Variants in ATG7 observed in about 807,000 individuals in gnomAD.
The protein encoded by ATG7 is autophagy related 7.
A neutral mutation model predicts 82.4 loss-of-function variants in ATG7; 70 were observed. The ratio of observed to expected loss-of-function variants is 0.85; its 90% CI spans 0.70 to 1.04. The LOEUF (loss-of-function observed/expected upper bound fraction) is 1.04. Among genes scored for constraint, ATG7 ranks in the 50% least tolerant of loss-of-function variants. The pLI, the probability that ATG7 is intolerant of heterozygous loss-of-function variation, is 0.00. For synonymous variants in ATG7, 287 were observed against 313.0 expected (o/e 0.92, Z 0.88); for missense variants, 792 against 864.3 (o/e 0.92, Z 1.05).
the ATG7 span, among the ~76,000 whole-genome samples, chr3:11,573,275 GAAA>G: frequency 4.3e-4 from 7 of 16,400 alleles, no homozygotes; most frequent in African/African-American, 1.1e-3. Flanking sequence ...AAGAAAGAAA[GAAA>G]GAAAGAAAGA....
intron 14 of ATG7, among the ~76,000 whole-genome samples, chr3:11,352,532 A>G (rs1259930550): frequency 6.6e-6 from 1 of 152,156 alleles, no homozygotes; most frequent in Non-Finnish European, 1.5e-5. Context: ...TGACTTTTTA[A>G]TGATCACCAT....
rs138448027 is a variant in ATG7 at position 11,347,974 on chromosome 3, G to T, written c.1223G>T (p.Gly408Val). 2.3e-5 allele frequency: 37 copies of T among 1,614,148 alleles called. No individual in the cohort carries two copies. The highest frequency in any genetic ancestry group is 4.5e-5 in the East Asian group (2 of 44,882). The part of the protein sequence containing the change: ...QPLYEFEDCL[G>V]GGKPKALAAA... Reference sequence around the variant, plus strand: ...CTCTATGAGTTTGAAGATTGCCTAGGGGGTGGTAAGCCCAAGGCTCTGGCA... The same window carrying T: ...CTCTATGAGTTTGAAGATTGCCTAGTGGGTGGTAAGCCCAAGGCTCTGGCA... Residue 408 changes from glycine to valine, a missense_variant, in exon 14 of 21, where the codon GGG (glycine) becomes GTG (valine). Physicochemically the swap from Gly to Val is moderately radical, Grantham distance 109. Transcript: ENST00000693202.
At chr3:11,326,294 TTTG>T (rs138143676) in intron 9 of ATG7, among the ~76,000 whole-genome samples, 87 of 151,536 alleles carry the variant, frequency 5.7e-4, no homozygotes, top group Admixed American at 5.4e-3. Context: ...CTGTTTTTTT[TTTG>T]TTGTTGTTGT....
At chr3:11,559,047 G>C (rs1387813726), downstream of ATG7, among the ~76,000 whole-genome samples, 1 of 152,218 alleles carries the variant, frequency 6.6e-6, no homozygotes, top group African/African-American at 2.4e-5. Context: ...CAGAGTCCGA[G>C]TTCAGAAAGA....
chr3:11,317,465 G>A (rs1038837395), intron 9 of ATG7, among the ~76,000 whole-genome samples: 4 of 151,934 alleles, frequency 2.6e-5, no homozygotes, highest in Admixed American at 6.6e-5. Flanking sequence ...TGATAAGTCT[G>A]TGAAACAAGC....
At chr3:11,307,782 C>A (rs1422545463) in intron 6 of ATG7, among the ~76,000 whole-genome samples, 3 of 152,160 alleles carry the variant, frequency 2.0e-5, no homozygotes, top group Non-Finnish European at 4.4e-5. Flanking sequence ...ATCAAGGAGT[C>A]TTTATACCAG....
chr3:11,334,912 C>T (rs1159427413), intron 11 of ATG7, among the ~76,000 whole-genome samples: 4 of 143,926 alleles, frequency 2.8e-5, no homozygotes, highest in Non-Finnish European at 5.9e-5. Context: ...GCCGACTGCA[C>T]TGCTGCACTC....
chr3:11,326,662 A>G (rs34354395), intron 9 of ATG7, among the ~76,000 whole-genome samples: 1,643 of 152,362 alleles, frequency 0.011, 12 homozygotes, highest in Non-Finnish European at 0.017. Flanking sequence ...TGCTAAATAA[A>G]TGTAGTTGTG....
chr3:11,377,407 C>T (rs756594861), intron 18 of ATG7, among the ~76,000 whole-genome samples: 6 of 152,114 alleles, frequency 3.9e-5, no homozygotes, highest in Admixed American at 6.6e-5. Context: ...ATACCGTGCA[C>T]GGCATCTTCT....
At chr3:11,418,191 A>G (rs1174985855) in intron 19 of ATG7, among the ~76,000 whole-genome samples, 1 of 147,200 alleles carries the variant, frequency 6.8e-6, no homozygotes, top group Non-Finnish European at 1.5e-5. Context: ...TGCAGCCTCA[A>G]CCTCCCGGGT....
intron 17 of ATG7, among the ~76,000 whole-genome samples, chr3:11,363,955 C>T (rs2076437460): frequency 6.6e-6 from 1 of 152,144 alleles, no homozygotes; most frequent in African/African-American, 2.4e-5. Context: ...CCTTAGCTAT[C>T]TGTCATTTAA....
chr3:11,556,655 A>T lies in ATG7; in HGVS notation c.*1812A>T, dbSNP rs1179860458. The T allele has an allele frequency of 6.5e-6, 1 of 152,744 alleles. No homozygotes were observed. Among genetic ancestry groups the T allele is most frequent in the Non-Finnish European group, 1.5e-5 (1 of 68,044 alleles). The allele number at this position is 152,744 out of a possible 1,614,324, so 9.5% of individuals were successfully genotyped here. On this transcript the variant is annotated 3_prime_UTR_variant, in exon 21 of 21. Transcript: ENST00000693202. The stretch of plus-strand genomic sequence containing the variant: ...AACAAAAAAAATGAATGATTACAAT[A>T]GGAAAGGGAAAAATTAAATAGCTAC...
At chr3:11,279,826 CCAGGCTATACTGTATTTGT>C (rs569251805) in intron 1 of ATG7, among the ~76,000 whole-genome samples, 1 of 152,278 alleles carries the variant, frequency 6.6e-6, no homozygotes, top group African/African-American at 2.4e-5. Flanking sequence ...TGTACAAACG[CCAGGCTATACTGTATTTGT>C]TTTACCTCCA....
intron 3 of ATG7, among the ~76,000 whole-genome samples, chr3:11,294,427 T>C (rs1945516459): frequency 6.6e-6 from 1 of 151,938 alleles, no homozygotes; most frequent in Admixed American, 6.6e-5. Context: ...TTTCACCATA[T>C]TGGCTAGGCT....
chr3:11,283,244 A>T (rs965336788), intron 3 of ATG7, among the ~76,000 whole-genome samples: 13 of 152,142 alleles, frequency 8.5e-5, no homozygotes, highest in African/African-American at 2.9e-4. Context: ...GTAGGCTTTA[A>T]ATGAGGCATG....
chr3:11,434,166 C>G (rs1423094949), intron 20 of ATG7, among the ~76,000 whole-genome samples: 2 of 152,302 alleles, frequency 1.3e-5, no homozygotes, highest in East Asian at 1.9e-4. Context: ...CCCCACACAG[C>G]TGGTTTTGAT....
chr3:11,561,868 C>A (rs904653961), downstream of ATG7, among the ~76,000 whole-genome samples: 1 of 151,672 alleles, frequency 6.6e-6, no homozygotes, highest in Non-Finnish European at 1.5e-5. Context: ...CTGAAAGCAA[C>A]CCCCAAGGCT....
chr3:11,364,861 A>G (rs777907879), intron 18 of ATG7, 127 bp downstream of exon 18: 4 of 947,202 alleles, frequency 4.2e-6, no homozygotes, highest in African/African-American at 1.6e-5. Context: ...TGGGATTTCA[A>G]TGGGAGAGCT....
At chr3:11,452,585 A>G (rs1377118371) in intron 20 of ATG7, among the ~76,000 whole-genome samples, 1 of 152,128 alleles carries the variant, frequency 6.6e-6, no homozygotes, top group Non-Finnish European at 1.5e-5. Context: ...GCACTTCAGC[A>G]AACAGCGTGG....
Sources: gnomAD v4.1 joint callset for allele counts (sites outside exome capture counted in the v4.1 genomes callset) on GRCh38, gnomAD v4.1.1 for gene constraint, MANE v1.5 for transcripts, NCBI Gene and HGNC (gene_info 2026-07-23, HGNC 2026-07-21) for gene names.